The following MAML3 variants were observed in gnomAD, a reference collection of about 807,000 sequenced individuals.
MAML3 encodes the protein mastermind-like protein 3.
In MAML3, 27 loss-of-function variants were observed where a neutral mutation model predicts 101.9. That is an observed-to-expected ratio of 0.27 (90% CI 0.20 to 0.37). The LOEUF (loss-of-function observed/expected upper bound fraction) is 0.37. Ranked by LOEUF, MAML3 falls within the 10% of genes least tolerant of loss-of-function variation. The probability of loss-of-function intolerance (pLI) is 1.00; values close to 1 mark genes in which losing one functional copy is unlikely to be tolerated. For missense variants in MAML3, 1,316 were observed against 1,444.9 expected (o/e 0.91, Z 1.45); for synonymous variants, 501 against 555.9 (o/e 0.90, Z 1.39).
chr4:139,976,216 A>G (rs1734337003), intron 1 of MAML3, among the ~76,000 whole-genome samples: 1 of 152,218 alleles, frequency 6.6e-6, no homozygotes, highest in Non-Finnish European at 1.5e-5. Flanking sequence ...AACACAAAAT[A>G]CAGGAAAGAC....
chr4:139,966,499 A>G (rs1734133062), intron 1 of MAML3, among the ~76,000 whole-genome samples: 1 of 152,140 alleles, frequency 6.6e-6, no homozygotes, highest in Non-Finnish European at 1.5e-5. Context: ...CCTAAGATGC[A>G]TTTACATTCA....
intron 1 of MAML3, among the ~76,000 whole-genome samples, chr4:139,902,979 A>G (rs1052741028): frequency 4.6e-5 from 7 of 152,164 alleles, no homozygotes; most frequent in Non-Finnish European, 7.4e-5. Context: ...GACCTCTTCC[A>G]GTCCTGAAAG....
chr4:140,088,562 C>T (rs186421522), intron 1 of MAML3, among the ~76,000 whole-genome samples: 16 of 152,272 alleles, frequency 1.1e-4, no homozygotes, highest in East Asian at 9.7e-4. Flanking sequence ...TCCTATTCTA[C>T]GTGGTACTAA....
chr4:139,940,059 C>G (rs1322691457), intron 1 of MAML3, among the ~76,000 whole-genome samples: 1 of 152,164 alleles, frequency 6.6e-6, no homozygotes, highest in African/African-American at 2.4e-5. Flanking sequence ...CCACCGCGTC[C>G]AGCCCAATAG....
intron 1 of MAML3, among the ~76,000 whole-genome samples, chr4:139,978,201 A>C (rs1206282771): frequency 6.6e-6 from 1 of 152,190 alleles, no homozygotes; most frequent in Non-Finnish European, 1.5e-5. Flanking sequence ...TACAAAAAAA[A>C]GTCTTTGGAC....
intron 1 of MAML3, among the ~76,000 whole-genome samples, chr4:140,092,563 TCCCCG>T (rs889857677): frequency 6.6e-6 from 1 of 152,032 alleles, no homozygotes; most frequent in Non-Finnish European, 1.5e-5. Context: ...GCCACTTAAC[TCCCCG>T]CCGCACTGCT....
chr4:140,009,052 G>A (rs190982129), intron 1 of MAML3, among the ~76,000 whole-genome samples: 5 of 152,196 alleles, frequency 3.3e-5, no homozygotes, highest in South Asian at 4.1e-4. Context: ...GTTAATTTCC[G>A]TGACTTTGAG....
At chr4:139,963,943 CAAT>C (rs1734075529) in intron 1 of MAML3, among the ~76,000 whole-genome samples, 1 of 152,172 alleles carries the variant, frequency 6.6e-6, no homozygotes, top group South Asian at 2.1e-4. Flanking sequence ...CACTTGACAA[CAAT>C]ATGATTCATT....
At chr4:139,764,185 G>A (rs540671768) in intron 2 of MAML3, among the ~76,000 whole-genome samples, 1 of 152,312 alleles carries the variant, frequency 6.6e-6, no homozygotes, top group South Asian at 2.1e-4. Flanking sequence ...TGCATACCTG[G>A]ATCTGTAGTC....
At chr4:139,731,951 G>A (rs953172395) in intron 2 of MAML3, among the ~76,000 whole-genome samples, 1 of 152,160 alleles carries the variant, frequency 6.6e-6, no homozygotes, top group Admixed American at 6.5e-5. Context: ...CCTAGCAGTG[G>A]CAAGTATGTT....
chr4:140,147,538 G>C (rs546361515), intron 1 of MAML3, among the ~76,000 whole-genome samples: 1 of 152,322 alleles, frequency 6.6e-6, no homozygotes, highest in African/African-American at 2.4e-5. Flanking sequence ...AACAAAGCAA[G>C]CAGCCAGGGG....
At chr4:139,905,491 C>CAAAAAAAAA (rs57898254) in intron 1 of MAML3, among the ~76,000 whole-genome samples, 1,580 of 79,546 alleles carry the variant, frequency 0.02, 108 homozygotes, top group African/African-American at 0.051. Flanking sequence ...GACTCTGTCT[C>CAAAAAAAAA]AAAAAAAAAA....
intron 1 of MAML3, among the ~76,000 whole-genome samples, chr4:139,965,200 GTTT>G (rs34595097): frequency 1.2e-4 from 17 of 139,300 alleles, no homozygotes; most frequent in African/African-American, 3.7e-4. Context: ...CTCCCTGCTA[GTTT>G]TTTTTTTTTT....
chr4:139,902,465 T>G (rs780614093), intron 1 of MAML3, among the ~76,000 whole-genome samples: 1 of 152,186 alleles, frequency 6.6e-6, no homozygotes, highest in Non-Finnish European at 1.5e-5. Context: ...TTGAGTAACT[T>G]TGTTAATAAA....
At chr4:139,918,497 T>C (rs796169366) in intron 1 of MAML3, among the ~76,000 whole-genome samples, 246 of 152,350 alleles carry the variant, frequency 1.6e-3, no homozygotes, top group African/African-American at 5.7e-3. Flanking sequence ...AGAAAGGCTG[T>C]TCTGACCACC....
chr4:140,034,032 C>T (rs10010293), intron 1 of MAML3, among the ~76,000 whole-genome samples: 1 of 152,066 alleles, frequency 6.6e-6, no homozygotes, highest in Non-Finnish European at 1.5e-5. Context: ...ACAGTGTGGA[C>T]CAATAATAAT....
chr4:139,915,537 A>G (rs1196853585), intron 1 of MAML3, among the ~76,000 whole-genome samples: 1 of 152,234 alleles, frequency 6.6e-6, no homozygotes, highest in African/African-American at 2.4e-5. Flanking sequence ...GTACTGTTTA[A>G]CCAAGGATTC....
At chr4:139,941,383 T>C (rs1447850172) in intron 1 of MAML3, among the ~76,000 whole-genome samples, 1 of 152,210 alleles carries the variant, frequency 6.6e-6, no homozygotes, top group Non-Finnish European at 1.5e-5. Context: ...AACAAAGTCA[T>C]CAACATGCAG....
At chr4:139,885,455 C>A (rs1732308803) in intron 2 of MAML3, among the ~76,000 whole-genome samples, 1 of 151,904 alleles carries the variant, frequency 6.6e-6, no homozygotes, top group Non-Finnish European at 1.5e-5. Context: ...GCCCTAAATA[C>A]CCTGACTTGA....
Sources: allele counts gnomAD v4.1 joint callset (sites outside exome capture counted in the v4.1 genomes callset), GRCh38; gene constraint gnomAD v4.1.1; transcripts MANE v1.5; gene names NCBI Gene and HGNC (gene_info 2026-07-23, HGNC 2026-07-21).